Variants in ERC2 observed in about 807,000 individuals in gnomAD.
The protein encoded by ERC2 is ERC protein 2.
Under a neutral mutation model 114.8 loss-of-function variants are expected in ERC2, and 42 were observed. That is an observed-to-expected ratio of 0.37 (90% CI 0.29 to 0.47). The LOEUF is 0.47. Ranked by LOEUF, ERC2 falls within the 20% of genes least tolerant of loss-of-function variation. The pLI is 0.99. For missense variants in ERC2, 939 were observed against 1,150.7 expected, an observed-to-expected ratio of 0.82 and a Z score of 2.66; for synonymous variants, 454 against 425.5, an observed-to-expected ratio of 1.07 and a Z score of -0.82.
chr3:55,939,994 C>T (rs951957813), intron 13 of ERC2, among the ~76,000 whole-genome samples: 2 of 152,222 alleles, frequency 1.3e-5, no homozygotes, highest in African/African-American at 4.8e-5. Flanking sequence ...GCAGACCCTG[C>T]ACTCCAGATG....
chr3:55,696,248 T>A (rs752278657), intron 16 of ERC2, among the ~76,000 whole-genome samples: 3 of 152,174 alleles, frequency 2.0e-5, no homozygotes, highest in Non-Finnish European at 4.4e-5. Context: ...GGCAAATGAT[T>A]TTTCATATTT....
chr3:55,810,106 T>A (rs1325739122), intron 14 of ERC2, among the ~76,000 whole-genome samples: 6 of 152,214 alleles, frequency 3.9e-5, no homozygotes, highest in Admixed American at 2.6e-4. Context: ...TAAAAATCCA[T>A]CTTAGTCCTC....
intron 14 of ERC2, among the ~76,000 whole-genome samples, chr3:55,822,410 C>A (rs563593794): frequency 6.6e-6 from 1 of 152,134 alleles, no homozygotes; most frequent in African/African-American, 2.4e-5. Context: ...CTGTTACACC[C>A]CTTAATTAAA....
chr3:56,431,197 A>T (rs2061774514), intron 2 of ERC2, among the ~76,000 whole-genome samples: 1 of 152,214 alleles, frequency 6.6e-6, no homozygotes, highest in African/African-American at 2.4e-5. Flanking sequence ...GTATAATAGA[A>T]ACAACAGCAA....
At chr3:55,974,776 A>T (rs2069450015) in intron 12 of ERC2, among the ~76,000 whole-genome samples, 1 of 152,184 alleles carries the variant, frequency 6.6e-6, no homozygotes, top group Non-Finnish European at 1.5e-5. Flanking sequence ...CAGGAATTTC[A>T]CATTCCGGCT....
At chr3:55,673,804 GTT>G (rs10575865) in intron 17 of ERC2, among the ~76,000 whole-genome samples, 28,308 of 113,958 alleles carry the variant, frequency 0.25, 5,091 homozygotes, top group African/African-American at 0.53. Flanking sequence ...TAATTACCAA[GTT>G]TTTTTTTTTT....
intron 7 of ERC2, among the ~76,000 whole-genome samples, chr3:56,026,702 G>A (rs2074076166): frequency 6.6e-6 from 1 of 152,130 alleles, no homozygotes; most frequent in African/African-American, 2.4e-5. Context: ...CCTAGTTTCT[G>A]CTAATGGTAA....
chr3:56,443,437 A>G (rs931092322), intron 1 of ERC2, among the ~76,000 whole-genome samples: 8 of 152,160 alleles, frequency 5.3e-5, no homozygotes, highest in African/African-American at 1.7e-4. Context: ...TCCTGGGACC[A>G]TTTCACCCCC....
chr3:55,847,210 G>T (rs982299374), intron 14 of ERC2, among the ~76,000 whole-genome samples: 24 of 152,286 alleles, frequency 1.6e-4, no homozygotes, highest in African/African-American at 5.5e-4. Context: ...ATAAATGGGA[G>T]AACTTTACAG....
intron 3 of ERC2, among the ~76,000 whole-genome samples, chr3:56,189,684 T>C (rs566976992): frequency 4.6e-5 from 7 of 152,298 alleles, no homozygotes; most frequent in African/African-American, 1.4e-4. Flanking sequence ...GCATCCCCCA[T>C]AGAATTTTCC....
chr3:56,041,939 T>A (rs927013631), intron 7 of ERC2, among the ~76,000 whole-genome samples: 1 of 152,104 alleles, frequency 6.6e-6, no homozygotes, highest in Non-Finnish European at 1.5e-5. Context: ...AAACAGATTA[T>A]TTTTCACTTA....
intron 12 of ERC2, among the ~76,000 whole-genome samples, chr3:55,971,528 TAAAA>T (rs2069154423): frequency 6.6e-6 from 1 of 152,132 alleles, no homozygotes; most frequent in African/African-American, 2.4e-5. Flanking sequence ...GACACATCTT[TAAAA>T]ATACAGTGGA....
chr3:56,389,030 A>T (rs1422089904), intron 2 of ERC2, among the ~76,000 whole-genome samples: 1 of 152,212 alleles, frequency 6.6e-6, no homozygotes, highest in Non-Finnish European at 1.5e-5. Flanking sequence ...AAAAAAAAAG[A>T]GTACAAAAAT....
At chr3:55,819,380 C>T (rs2060031124) in intron 14 of ERC2, among the ~76,000 whole-genome samples, 2 of 152,258 alleles carry the variant, frequency 1.3e-5, no homozygotes, top group South Asian at 4.1e-4. Context: ...GGTTTTTCGC[C>T]TTTCTGTTGA....
chr3:56,452,926 G>T (rs116787074), intron 1 of ERC2, among the ~76,000 whole-genome samples: 2,365 of 152,202 alleles, frequency 0.016, 54 homozygotes, highest in African/African-American at 0.052. Flanking sequence ...TTGACCACAG[G>T]CTCATTGTGT....
At chr3:55,766,050 G>C (rs1268232849) in intron 14 of ERC2, among the ~76,000 whole-genome samples, 2 of 152,140 alleles carry the variant, frequency 1.3e-5, no homozygotes, top group Non-Finnish European at 2.9e-5. Context: ...GGTATGCCTG[G>C]GCCAAGTCCC....
At chr3:55,603,774 T>C (rs570506609) in intron 17 of ERC2, among the ~76,000 whole-genome samples, 4 of 152,096 alleles carry the variant, frequency 2.6e-5, no homozygotes, top group Admixed American at 1.3e-4. Flanking sequence ...TCACATTCCA[T>C]AAAAATCTGA....
intron 2 of ERC2, among the ~76,000 whole-genome samples, chr3:56,340,983 G>A (rs760757883): frequency 1.3e-5 from 2 of 152,086 alleles, no homozygotes; most frequent in Non-Finnish European, 2.9e-5. Context: ...TTCTTTGGGG[G>A]GGAAAAAATC....
chr3:56,329,980 A>C (rs542945663), intron 2 of ERC2, among the ~76,000 whole-genome samples: 1 of 151,618 alleles, frequency 6.6e-6, no homozygotes, highest in East Asian at 1.9e-4. Flanking sequence ...TATATATTTC[A>C]AATATACATA....
Sources: gnomAD v4.1 joint callset for allele counts (sites outside exome capture counted in the v4.1 genomes callset) on GRCh38, gnomAD v4.1.1 for gene constraint, MANE v1.5 for transcripts, NCBI Gene and HGNC (gene_info 2026-07-23, HGNC 2026-07-21) for gene names.